MAPRE2: variants seen among roughly 807,000 people sequenced by gnomAD.
MAPRE2 encodes the protein microtubule-associated protein RP/EB family member 2.
A neutral mutation model predicts 43.2 loss-of-function variants in MAPRE2; 13 were observed. The ratio of observed to expected loss-of-function variants is 0.30; its 90% CI spans 0.20 to 0.48. The LOEUF (loss-of-function observed/expected upper bound fraction) is 0.48, where lower values mean the gene tolerates loss of function less well. Among genes scored for constraint, MAPRE2 ranks in the 20% least tolerant of loss-of-function variants. The pLI, the probability that MAPRE2 is intolerant of heterozygous loss-of-function variation, is 0.99. For synonymous variants in MAPRE2, 135 were observed against 148.8 expected (o/e 0.91, Z 0.68); for missense variants, 161 against 400.2 (o/e 0.40, Z 5.10).
intron 1 of MAPRE2, among the ~76,000 whole-genome samples, chr18:35,064,000 T>TCAAAAAA (rs1906696330): frequency 2.9e-5 from 1 of 33,952 alleles, no homozygotes; most frequent in African/African-American, 1.2e-4. Context: ...CCTGTCTCTT[T>TCAAAAAA]AAAAAAAAAA....
chr18:35,037,039 C>T (rs1603392411), upstream of MAPRE2, among the ~76,000 whole-genome samples: 2 of 152,202 alleles, frequency 1.3e-5, no homozygotes, highest in Admixed American at 1.3e-4. Context: ...TGCTCACCTT[C>T]GATGGTCCCA....
At chr18:35,029,853 C>A (rs753641878) in intron 2 of MAPRE2, among the ~76,000 whole-genome samples, 1 of 152,144 alleles carries the variant, frequency 6.6e-6, no homozygotes, top group East Asian at 1.9e-4. Flanking sequence ...CACGTTTTAA[C>A]GAGAGCACTC....
At chr18:35,121,836 T>C (rs1466054426) in intron 4 of MAPRE2, among the ~76,000 whole-genome samples, 1 of 152,244 alleles carries the variant, frequency 6.6e-6, no homozygotes, top group East Asian at 1.9e-4. Context: ...GATTGGATGC[T>C]GTCAGAGACA....
intron 6 of MAPRE2, among the ~76,000 whole-genome samples, chr18:35,139,265 T>A (rs1603405085): frequency 1.3e-5 from 2 of 152,158 alleles, no homozygotes; most frequent in African/African-American, 4.8e-5. Flanking sequence ...GTGCGAGGCA[T>A]GGGCACTTCC....
intron 1 of MAPRE2, among the ~76,000 whole-genome samples, chr18:34,978,060 T>G (rs1406999179): frequency 6.6e-6 from 1 of 152,134 alleles, no homozygotes; most frequent in Non-Finnish European, 1.5e-5. Context: ...GCCTTTGTCT[T>G]AACCCCCAAG....
intron 2 of MAPRE2, among the ~76,000 whole-genome samples, chr18:35,076,378 G>A (rs2144117032): frequency 6.6e-6 from 1 of 152,302 alleles, no homozygotes; most frequent in Non-Finnish European, 1.5e-5. Context: ...ATGAAGGGAG[G>A]TAGGGACATA....
At chr18:34,977,480 C>A (rs2097013824) in intron 1 of MAPRE2, among the ~76,000 whole-genome samples, 1 of 152,184 alleles carries the variant, frequency 6.6e-6, no homozygotes, top group South Asian at 2.1e-4. Context: ...TGCGCGACCG[C>A]GGCGCACGAC....
At chr18:35,111,950 C>T (rs1909191866) in intron 4 of MAPRE2, among the ~76,000 whole-genome samples, 1 of 152,132 alleles carries the variant, frequency 6.6e-6, no homozygotes, top group South Asian at 2.1e-4. Context: ...CAGTAGATGC[C>T]TACTTGATAC....
intron 6 of MAPRE2, among the ~76,000 whole-genome samples, chr18:35,140,041 G>T (rs929479796): frequency 2.7e-4 from 41 of 152,190 alleles, no homozygotes; most frequent in Non-Finnish European, 5.9e-5. Flanking sequence ...AAACAAAATA[G>T]TTGGGTGCCT....
intron 1 of MAPRE2, chr18:34,977,101 C>G (rs1301597737): frequency 6.5e-6 from 1 of 154,994 alleles, no homozygotes; most frequent in Non-Finnish European, 1.4e-5. Context: ...GCATTTAAAG[C>G]GGTACCGCCC....
intron 1 of MAPRE2, among the ~76,000 whole-genome samples, chr18:34,996,811 T>C (rs978505224): frequency 6.6e-6 from 1 of 152,198 alleles, no homozygotes; most frequent in African/African-American, 2.4e-5. Flanking sequence ...TTCAAATATA[T>C]GAAATTGAAT....
chr18:35,047,047 C>G (rs1429182432), intron 1 of MAPRE2, among the ~76,000 whole-genome samples: 2 of 152,160 alleles, frequency 1.3e-5, no homozygotes, highest in Non-Finnish European at 2.9e-5. Context: ...TGAAACTGCT[C>G]AGGACACTCC....
intron 4 of MAPRE2, 49 bp downstream of exon 4, chr18:35,102,208 C>A: frequency 7.4e-7 from 1 of 1,357,874 alleles, no homozygotes; most frequent in Middle Eastern, 2.0e-4. Flanking sequence ...TTGATAATGG[C>A]TCAGACCCTT....
In MAPRE2 at chr18:35,142,854, C is replaced by T. The variant is rs1216181356; in HGVS notation, c.*2485C>T. 1 of 151,984 alleles carries T rather than the reference C, an allele frequency of 6.6e-6. No individual in the cohort carries two copies. Among genetic ancestry groups the T allele is most frequent in the African/African-American group, 2.4e-5 (1 of 41,366 alleles). 9.4% of individuals were successfully genotyped at this position (151,984 alleles called of 1,614,324 possible). Reference sequence around the variant, plus strand: ...ATCTCGGCATTCAGGGAACAGTTTCCTTAGCGGCCCCTGGTCACATGTCAT... The same window carrying T: ...ATCTCGGCATTCAGGGAACAGTTTCTTTAGCGGCCCCTGGTCACATGTCAT... On this transcript the variant is annotated 3_prime_UTR_variant, in exon 7 of 7. Transcript: ENST00000300249.
At chr18:34,987,834 G>C (rs558384377) in intron 1 of MAPRE2, among the ~76,000 whole-genome samples, 2 of 152,038 alleles carry the variant, frequency 1.3e-5, no homozygotes, top group African/African-American at 4.8e-5. Flanking sequence ...GTAGAGACGG[G>C]GTTTCACCAT....
chr18:35,103,162 T>A (rs1368245465), intron 4 of MAPRE2, among the ~76,000 whole-genome samples: 1 of 152,166 alleles, frequency 6.6e-6, no homozygotes, highest in Non-Finnish European at 1.5e-5. Flanking sequence ...GAAATTTTTT[T>A]AATATTTAAA....
intron 2 of MAPRE2, among the ~76,000 whole-genome samples, chr18:35,033,842 CA>C (rs2097049053): frequency 6.9e-6 from 1 of 145,312 alleles, no homozygotes; most frequent in South Asian, 2.3e-4. Flanking sequence ...AACTACAAAC[CA>C]CTGCTCAAGG....
At chr18:35,036,113 T>A (rs1484811609) in intron 2 of MAPRE2, among the ~76,000 whole-genome samples, 1 of 151,742 alleles carries the variant, frequency 6.6e-6, no homozygotes, top group Non-Finnish European at 1.5e-5. Flanking sequence ...TTCCTTAGCT[T>A]GATAAATGGT....
intron 2 of MAPRE2, among the ~76,000 whole-genome samples, chr18:35,036,056 A>G (rs557796231): frequency 8.6e-5 from 13 of 151,176 alleles, no homozygotes; most frequent in African/African-American, 3.2e-4. Context: ...TCTATGTCCA[A>G]AACACATTAT....
Sources: allele counts gnomAD v4.1 joint callset (sites outside exome capture counted in the v4.1 genomes callset), GRCh38; gene constraint gnomAD v4.1.1; transcripts MANE v1.5; gene names NCBI Gene and HGNC (gene_info 2026-07-23, HGNC 2026-07-21).